The following PCGF3 variants were observed in gnomAD, a reference collection of about 807,000 sequenced individuals.
PCGF3 encodes the protein polycomb group ring finger 3, also known as polycomb group RING finger protein 3.
In PCGF3, 7 loss-of-function variants were observed where a neutral mutation model predicts 33.1. The ratio of observed to expected loss-of-function variants is 0.21; its 90% CI spans 0.12 to 0.40. The LOEUF is 0.40. Among genes scored for constraint, PCGF3 ranks in the 10% least tolerant of loss-of-function variants. PCGF3 has a pLI of 1.00. For missense variants in PCGF3, 211 were observed against 313.3 expected (o/e 0.67, Z 2.46); for synonymous variants, 153 against 121.3 (o/e 1.26, Z -1.72).
chr4:731,332 T>C, intron 3 of PCGF3: 1 of 400,266 alleles, frequency 2.5e-6, no homozygotes, highest in South Asian at 1.2e-4. Flanking sequence ...TGCAGAGGGC[T>C]GGTCTCCTTC....
At chr4:765,127 CTT>C (rs1382565434) in intron 10 of PCGF3, 63 bp downstream of exon 10, 30 of 1,169,448 alleles carry the variant, frequency 2.6e-5, no homozygotes, top group Non-Finnish European at 3.8e-5. Context: ...CTGTGCATCT[CTT>C]ATCTAAAATG....
rs141678486 is a variant in PCGF3, at chr4:763,996, C to T, written c.601-988C>T. On this transcript the variant is annotated intron_variant, in intron 9 of 10. Transcript: ENST00000362003. The stretch of plus-strand genomic sequence containing the variant: ...GTGCGACTCCAGCTCTGCAGCATGG[C>T]GCACTGGAAAAGGCAGAACCATCCG... Among the ~76,000 whole-genome samples, 255 of 152,298 alleles carry T rather than the reference C, an allele frequency of 1.7e-3. 1 individual carries two copies. Among genetic ancestry groups the T allele is most frequent in the African/African-American group, 5.8e-3 (240 of 41,556 alleles).
chr4:766,358 C>A (rs894249548), exon 11 of PCGF3: 9 of 357,222 alleles, frequency 2.5e-5, no homozygotes, highest in Admixed American at 1.4e-4. Context: ...CCAGGCAACA[C>A]GGTTCTGAGT....
intron 10 of PCGF3, among the ~76,000 whole-genome samples, chr4:765,289 C>T (rs1191592881): frequency 6.6e-6 from 1 of 152,152 alleles, no homozygotes; most frequent in African/African-American, 2.4e-5. Flanking sequence ...AAAAATTAGC[C>T]AGGCGTAGTG....
intron 6 of PCGF3, among the ~76,000 whole-genome samples, chr4:739,259 G>A (rs1743981624): frequency 2.0e-5 from 3 of 152,110 alleles, no homozygotes; most frequent in Non-Finnish European, 4.4e-5. Flanking sequence ...GGAGTTCAGT[G>A]GTGCTATCAC....
chr4:758,046 T>C (rs1201926897), intron 8 of PCGF3, among the ~76,000 whole-genome samples: 1 of 151,540 alleles, frequency 6.6e-6, no homozygotes, highest in Non-Finnish European at 1.5e-5. Flanking sequence ...TGCGCGCCTG[T>C]AGTCCCAGCT....
At position 760,959 on chromosome 4, in the gene PCGF3, G is replaced by A. The variant is rs56316735; in HGVS notation, c.463-320G>A. Among the ~76,000 whole-genome samples the A allele has an allele frequency of 1.3e-3, 193 of 152,312 alleles. 1 individual carries two copies. The highest frequency in any genetic ancestry group is 4.5e-3 in the African/African-American group (186 of 41,580). On this transcript the variant is annotated intron_variant, in intron 8 of 10. Transcript: ENST00000362003. ...ACTCCCCTTTGCGCCATGTTTGTCC[G>A]GACAGGCTTAGCTGGAGACCAAGAA...
chr4:722,704 C>T (rs1199286605), intron 1 of PCGF3, among the ~76,000 whole-genome samples: 2 of 106,634 alleles, frequency 1.9e-5, no homozygotes, highest in Admixed American at 9.2e-5. Flanking sequence ...CACCTGTCTG[C>T]GCTGGGTCCA....
chr4:707,967 AG>A (rs1742400825), intron 1 of PCGF3, among the ~76,000 whole-genome samples: 1 of 124,304 alleles, frequency 8.0e-6, no homozygotes, highest in Non-Finnish European at 1.8e-5. Context: ...ACCCTGGGAC[AG>A]CCCTGTTTTC....
rs1249491776 is a variant in PCGF3 at position 748,715 on chromosome 4, TGAC to T, written c.462+4029_462+4031del. Among the ~76,000 whole-genome samples, 5 of 152,308 alleles carry T rather than the reference TGAC, an allele frequency of 3.3e-5. No homozygotes were observed. In the East Asian group the frequency reaches 9.7e-4, roughly 29 times the overall value. ...CACTGCCATGCCTGGTTTCCGATGT[TGAC>T]GTACCTGGTGCTTCCTCTGTTGGTG... On this transcript the variant is annotated intron_variant, in intron 8 of 10. Transcript: ENST00000362003.
intron 8 of PCGF3, among the ~76,000 whole-genome samples, chr4:754,611 A>C (rs575298902): frequency 1.6e-4 from 24 of 152,356 alleles, no homozygotes; most frequent in Admixed American, 3.9e-4. Flanking sequence ...AGTCCGGGGC[A>C]GAGTGAACGG....
chr4:728,382 TAA>T (rs1743415585), intron 1 of PCGF3, among the ~76,000 whole-genome samples: 1 of 151,870 alleles, frequency 6.6e-6, no homozygotes, highest in African/African-American at 2.4e-5. Context: ...CACAGCGTGT[TAA>T]GTGTCGTAAG....
chr4:751,874 C>T (rs547133958), intron 8 of PCGF3, among the ~76,000 whole-genome samples: 1 of 152,296 alleles, frequency 6.6e-6, no homozygotes, highest in South Asian at 2.1e-4. Context: ...TCTCCATCAT[C>T]TGACGGGCGC....
In PCGF3 at chr4:758,438, GTTC is replaced by G. The variant is rs146236395; in HGVS notation, c.463-2836_463-2834del. On this transcript the variant is annotated intron_variant, in intron 8 of 10. Transcript: ENST00000362003. ...TCTCCCCGCGCGGCCCCTCTCCCGA[GTTC>G]TTCTCCTTCCGGACTCCGGGTCTTT... 2.7e-3 allele frequency among the ~76,000 whole-genome samples: 358 copies of G among 134,072 alleles called. 3 individuals are homozygous for G. Among genetic ancestry groups the G allele is most frequent in the African/African-American group, 9.6e-3 (331 of 34,514 alleles). 88.0% of individuals were successfully genotyped at this position (134,072 alleles called of 152,430 possible).
chr4:742,658 C>T lies in PCGF3; in HGVS notation c.263-816C>T, dbSNP rs974043883. On this transcript the variant is annotated intron_variant, in intron 6 of 10. Coordinates refer to ENST00000362003, the Ensembl canonical transcript of PCGF3. The stretch of plus-strand genomic sequence containing the variant: ...GGAACCTGCGAGGTTCTGGCCAGCT[C>T]TTGCTGGCCATCCCTGGAGGGTCAG... 1.1e-4 allele frequency among the ~76,000 whole-genome samples: 17 copies of T among 152,346 alleles called. 1 individual carries two copies. The highest frequency in any genetic ancestry group is 3.8e-4 in the African/African-American group (16 of 41,596).
intron 1 of PCGF3, chr4:725,252 C>T (rs1221535053): frequency 6.5e-6 from 1 of 152,692 alleles, no homozygotes; most frequent in Non-Finnish European, 1.5e-5. Flanking sequence ...GACCGCCGGC[C>T]GCGCTGTGAG....
intron 5 of PCGF3, among the ~76,000 whole-genome samples, chr4:737,159 G>A (rs565778022): frequency 5.3e-5 from 8 of 151,904 alleles, no homozygotes; most frequent in Admixed American, 5.2e-4. Flanking sequence ...TGCAGGGACG[G>A]TGTCCCCTGA....
chr4:742,744 C>G (rs1001512366), intron 6 of PCGF3, among the ~76,000 whole-genome samples: 2 of 152,184 alleles, frequency 1.3e-5, no homozygotes, highest in African/African-American at 4.8e-5. Flanking sequence ...TGCTGCGGCC[C>G]GTCTGCCGCC....
In PCGF3 at chr4:720,465, G is replaced by A. The variant is rs1743025615; in HGVS notation, c.-189-10165G>A. 6.6e-6 allele frequency among the ~76,000 whole-genome samples: 1 copy of A among 152,196 alleles called. No individual in the cohort carries two copies. The highest frequency in any genetic ancestry group is 6.5e-5 in the Admixed American group (1 of 15,288). On this transcript the variant is annotated intron_variant, in intron 1 of 10. Transcript: ENST00000362003. The surrounding 1 kb of genome is among the most constrained non-coding windows in gnomAD (Gnocchi z 5.6). ...GAGGTGCAGGGTCTCTTGTCAGGTGGACAGGGGCTGGCCCACCCGTGAGTG... is the reference window on the plus strand; with the variant it reads ...GAGGTGCAGGGTCTCTTGTCAGGTGAACAGGGGCTGGCCCACCCGTGAGTG...
Sources: gnomAD v4.1 joint callset for allele counts (sites outside exome capture counted in the v4.1 genomes callset) on GRCh38, gnomAD v4.1.1 for gene constraint, Gnocchi (gnomAD v3.1) non-coding constraint, MANE v1.5 for transcripts, NCBI Gene and HGNC (gene_info 2026-07-23, HGNC 2026-07-21) for gene names.